AGPAT3: variants seen among roughly 807,000 people sequenced by gnomAD.
The protein encoded by AGPAT3 is 1-acyl-sn-glycerol-3-phosphate acyltransferase gamma.
Under a neutral mutation model 47.3 loss-of-function variants are expected in AGPAT3, and 5 were observed. The observed-to-expected ratio is 0.11, with a 90% CI of 0.06 to 0.22. The LOEUF is 0.22. AGPAT3 is among the 10% of genes least tolerant of loss of function. The pLI, the probability that AGPAT3 is intolerant of heterozygous loss-of-function variation, is 1.00. For missense variants in AGPAT3, 315 were observed against 493.0 expected (o/e 0.64, Z 3.42); for synonymous variants, 212 against 208.3 (o/e 1.02, Z -0.15).
chr21:43,932,803 A>G lies in AGPAT3; in HGVS notation c.-48-26831A>G, dbSNP rs959597555. On this transcript the variant is annotated intron_variant, in intron 2 of 9. Coordinates refer to ENST00000291572, the MANE Select transcript of AGPAT3 (RefSeq NM_020132.5). This position sits in a 1 kb window ranked among gnomAD's most constrained non-coding sequence, Gnocchi z 5.2. ...GTAGCTGGGATTACAGACGCCCGCC[A>G]CCATGCCGGGCTAATTTTGTATGTT... 2.0e-5 allele frequency among the ~76,000 whole-genome samples: 3 copies of G among 152,110 alleles called. No homozygotes were observed. Among genetic ancestry groups the G allele is most frequent in the Admixed American group, 6.5e-5 (1 of 15,268 alleles).
chr21:43,942,805 C>T (rs756677056), intron 2 of AGPAT3, among the ~76,000 whole-genome samples: 2 of 152,136 alleles, frequency 1.3e-5, no homozygotes, highest in Non-Finnish European at 2.9e-5. Context: ...GCTCACTTGG[C>T]GGGAGGAGGG....
chr21:43,959,405 TGTGTGTGTGGTTTGTGGTGTGTGGC>T (rs1358889922), intron 2 of AGPAT3, among the ~76,000 whole-genome samples: 37 of 141,604 alleles, frequency 2.6e-4, no homozygotes, highest in African/African-American at 9.0e-4. Flanking sequence ...TTTGCAGTGG[TGTGTGTGTGGTTTGTGGTGTGTGGC>T]GTGTGTGTGG....
intron 1 of AGPAT3, among the ~76,000 whole-genome samples, chr21:43,885,949 G>T (rs536681611): frequency 6.6e-5 from 10 of 152,260 alleles, no homozygotes; most frequent in Non-Finnish European, 1.5e-4. Context: ...CTTGGCAGCA[G>T]CTGACAGGAG....
chr21:43,942,044 C>T (rs996268422), intron 2 of AGPAT3, among the ~76,000 whole-genome samples: 23 of 152,360 alleles, frequency 1.5e-4, no homozygotes, highest in African/African-American at 5.3e-4. Context: ...GTGCATTTCT[C>T]CTTTGCCCTC....
chr21:43,945,041 C>G (rs1357509390), intron 2 of AGPAT3, among the ~76,000 whole-genome samples: 1 of 152,218 alleles, frequency 6.6e-6, no homozygotes, highest in Non-Finnish European at 1.5e-5. Context: ...AGAGGGAGGG[C>G]AGAGCCGTAG....
chr21:43,867,060 CA>C (rs2085524175), intron 1 of AGPAT3: 1 of 152,310 alleles, frequency 6.6e-6, no homozygotes, highest in Non-Finnish European at 1.5e-5. Context: ...ACTGGGGAAG[CA>C]AACTGAAAGT....
rs910217754 is a variant in AGPAT3, at chr21:43,981,009, T to C, written c.864T>C (p.Tyr288=). 50 of 1,614,066 alleles carry C rather than the reference T, an allele frequency of 3.1e-5. No homozygotes were observed. The highest frequency in any genetic ancestry group is 3.7e-5 in the Non-Finnish European group (44 of 1,180,044). The part of the protein sequence containing the change: ...YQEKDALQEI[Y]NQKGMFPGEQ... ...TCTAGGACGCGCTCCAGGAGATATA[T>C]AATCAGAAGGGCATGTTTCCAGGGG... is the stretch of plus-strand genomic sequence containing the variant. The change falls in exon 9 of 10, where the codon TAT becomes TAC. Residue 288 remains tyrosine, a synonymous_variant. Transcript: ENST00000291572. The surrounding 1 kb of genome is among the most constrained non-coding windows in gnomAD (Gnocchi z 5.3).
intron 1 of AGPAT3, among the ~76,000 whole-genome samples, chr21:43,877,341 G>A (rs1216907694): frequency 6.6e-6 from 1 of 152,190 alleles, no homozygotes; most frequent in Non-Finnish European, 1.5e-5. Context: ...AAGAACTGCT[G>A]TACATATACA....
At chr21:43,899,329 C>T (rs973838018) in intron 1 of AGPAT3, among the ~76,000 whole-genome samples, 4 of 152,176 alleles carry the variant, frequency 2.6e-5, no homozygotes, top group Non-Finnish European at 5.9e-5. Flanking sequence ...GTCAGGCCAT[C>T]TCTCCTTTGA....
chr21:43,956,366 G>GC (rs2088467740), intron 2 of AGPAT3, among the ~76,000 whole-genome samples: 1 of 152,106 alleles, frequency 6.6e-6, no homozygotes, highest in Non-Finnish European at 1.5e-5. Flanking sequence ...TCCCTGTGTG[G>GC]CCCCATATGA....
rs528567616 is a variant in AGPAT3 at position 43,908,632 on chromosome 21, G to A, written c.-49+4613G>A. Among the ~76,000 whole-genome samples the A allele has an allele frequency of 3.3e-5, 5 of 152,310 alleles. No individual in the cohort carries two copies. Among genetic ancestry groups the A allele is most frequent in the Admixed American group, 6.5e-5 (1 of 15,300 alleles). ...GAAAGGACCTATGGCCTCCAGCTCC[G>A]GGTTCAGGGCTGTGTCCAGGTTCAG... On this transcript the variant is annotated intron_variant, in intron 2 of 9. Transcript: ENST00000291572. This position sits in a 1 kb window ranked among gnomAD's most constrained non-coding sequence, Gnocchi z 4.9.
At chr21:43,943,818 G>A (rs917830466) in intron 2 of AGPAT3, among the ~76,000 whole-genome samples, 5 of 152,336 alleles carry the variant, frequency 3.3e-5, no homozygotes, top group East Asian at 1.9e-4. Flanking sequence ...AGGAGAGGCC[G>A]GAGCGTTTTC....
At position 43,981,249 on chromosome 21, in the gene AGPAT3, TC is replaced by T; in HGVS notation, c.1042+64del. 1 of 1,565,806 alleles carries T rather than the reference TC, an allele frequency of 6.4e-7. No individual in the cohort carries two copies. Among genetic ancestry groups the T allele is most frequent in the Non-Finnish European group, 8.8e-7 (1 of 1,138,786 alleles). ...GGGCCTCACAGTATCAGCCACAGGG[TC>T]CGGGACCTGGTGACTCATCACAGTG... is the stretch of plus-strand genomic sequence containing the variant. On this transcript the variant is annotated intron_variant, in intron 9 of 9. Coordinates refer to ENST00000291572, the MANE Select transcript of AGPAT3 (RefSeq NM_020132.5). The surrounding 1 kb of genome is among the most constrained non-coding windows in gnomAD (Gnocchi z 5.3).
Position 43,952,533 on chromosome 21 carries a change from CT to C in AGPAT3, c.-48-7100del, listed in dbSNP as rs2088248948. Among the ~76,000 whole-genome samples the C allele has an allele frequency of 6.6e-6, 1 of 152,172 alleles. No individual in the cohort carries two copies. The highest frequency in any genetic ancestry group is 2.4e-5 in the African/African-American group (1 of 41,460). ...AGCCTCGTGCCTCACCTTTGCTCCC[CT>C]GATCTAAGAAGGTGCACACCCCGGT... is the stretch of plus-strand genomic sequence containing the variant. On this transcript the variant is annotated intron_variant, in intron 2 of 9. Transcript: ENST00000291572. The surrounding 1 kb of genome is among the most constrained non-coding windows in gnomAD (Gnocchi z 5.6).
At position 43,939,940 on chromosome 21, in the gene AGPAT3, G is replaced by A. The variant is rs1601365203; in HGVS notation, c.-48-19694G>A. Among the ~76,000 whole-genome samples, 1 of 152,220 alleles carries A rather than the reference G, an allele frequency of 6.6e-6. No individual in the cohort carries two copies. Among genetic ancestry groups the A allele is most frequent in the African/African-American group, 2.4e-5 (1 of 41,460 alleles). The stretch of plus-strand genomic sequence containing the variant: ...AGCCGGTGCCCCGACGGCAGAGCCC[G>A]CAGCTGTGCGCAGGAGGACGAACCT... On this transcript the variant is annotated intron_variant, in intron 2 of 9. Coordinates refer to ENST00000291572, the MANE Select transcript of AGPAT3 (RefSeq NM_020132.5). This position sits in a 1 kb window ranked among gnomAD's most constrained non-coding sequence, Gnocchi z 4.4.
rs2030089868 is a variant in AGPAT3 at position 43,984,793 on chromosome 21, T to C, written c.*2401T>C. On this transcript the variant is annotated 3_prime_UTR_variant, in exon 10 of 10. Transcript: ENST00000291572. ...AAATTCATAAATCCCAGAACAGTCT[T>C]TTTTTTTTCTTTTTCCTTTACACCC... 1 of 192,782 alleles carries C rather than the reference T, an allele frequency of 5.2e-6. No individual in the cohort carries two copies. Among genetic ancestry groups the C allele is most frequent in the African/African-American group, 2.4e-5 (1 of 42,226 alleles). The allele number at this position is 192,782 out of a possible 1,614,324, so 11.9% of individuals were successfully genotyped here.
intron 2 of AGPAT3, among the ~76,000 whole-genome samples, chr21:43,904,552 G>T (rs887065803): frequency 6.6e-6 from 1 of 152,160 alleles, no homozygotes; most frequent in Non-Finnish European, 1.5e-5. Flanking sequence ...GCTCTTGGGG[G>T]TTGGTGCCCT....
chr21:43,908,385 C>T lies in AGPAT3; in HGVS notation c.-49+4366C>T, dbSNP rs1180907652. ...CTGTGTGTTGAGCCCCGGCCCTTCT[C>T]GATCAGAAAGGAGGTGTCCCGATCA... On this transcript the variant is annotated intron_variant, in intron 2 of 9. Transcript: ENST00000291572. This position sits in a 1 kb window ranked among gnomAD's most constrained non-coding sequence, Gnocchi z 4.9. Among the ~76,000 whole-genome samples the T allele has an allele frequency of 2.0e-5, 3 of 152,176 alleles. No individual in the cohort carries two copies. Among genetic ancestry groups the T allele is most frequent in the Non-Finnish European group, 4.4e-5 (3 of 68,032 alleles).
In AGPAT3 at chr21:43,872,097, G is replaced by A. The variant is rs2085635853; in HGVS notation, c.-112+6752G>A. 4.6e-5 allele frequency among the ~76,000 whole-genome samples: 7 copies of A among 151,794 alleles called. No homozygotes were observed. The South Asian group carries it at 1.5e-3, about 32-fold the overall frequency. On this transcript the variant is annotated intron_variant, in intron 1 of 9. Coordinates refer to ENST00000291572, the MANE Select transcript of AGPAT3 (RefSeq NM_020132.5). ...AGGTGTCTTTTGATAAAGCACCGTG[G>A]TATTTCACATTCCACCTGACACTCT...
Sources: allele counts gnomAD v4.1 joint callset (sites outside exome capture counted in the v4.1 genomes callset), GRCh38; gene constraint gnomAD v4.1.1; non-coding constraint Gnocchi (gnomAD v3.1); transcripts MANE v1.5; gene names NCBI Gene and HGNC (gene_info 2026-07-23, HGNC 2026-07-21).